The following BRD4 variants were observed in gnomAD, a reference collection of about 807,000 sequenced individuals.
BRD4 encodes bromodomain containing 4, also known as bromodomain-containing protein 4.
A neutral mutation model predicts 142.1 loss-of-function variants in BRD4; 16 were observed. The ratio of observed to expected loss-of-function variants is 0.11; its 90% CI spans 0.08 to 0.17. The LOEUF is 0.17. BRD4 is among the 10% of genes least tolerant of loss of function. The pLI is 1.00. For missense variants in BRD4, 1,424 were observed against 1,810.9 expected, an observed-to-expected ratio of 0.79 and a Z score of 3.88; for synonymous variants, 833 against 707.5, an observed-to-expected ratio of 1.18 and a Z score of -2.82.
intron 1 of BRD4, 113 bp from the exon 2 acceptor site, chr19:15,273,246 T>A: frequency 8.7e-7 from 1 of 1,150,170 alleles, no homozygotes; most frequent in Non-Finnish European, 1.2e-6. Context: ...TGGCGGTAGC[T>A]AGCCAAGTTG....
Position 15,238,593 on chromosome 19 carries a change from G to A in BRD4, c.4021-148C>T, listed in dbSNP as rs1245845466. 48 of 1,487,202 alleles carry A rather than the reference G, an allele frequency of 3.2e-5. No homozygotes were observed. Among genetic ancestry groups the A allele is most frequent in the Non-Finnish European group, 4.2e-5 (47 of 1,114,924 alleles). The allele number at this position is 1,487,202 out of a possible 1,614,324, so 92.1% of individuals were successfully genotyped here. A position where few individuals can be genotyped will look rare whatever the true frequency, so the allele number is the denominator to read the frequency against. ...TCACCCCGTCCACACAGCACTCAGG[G>A]CCCTACAGCTGAGTCCAGAGGACCA... is the stretch of plus-strand genomic sequence containing the variant. On this transcript the variant is annotated intron_variant, in intron 19 of 19. Coordinates refer to ENST00000679869, the MANE Select transcript of BRD4 (RefSeq NM_001379291.1). This position sits in a 1 kb window ranked among gnomAD's most constrained non-coding sequence, Gnocchi z 7.2.
intron 13 of BRD4, among the ~76,000 whole-genome samples, chr19:15,243,737 A>G (rs2047259693): frequency 1.3e-5 from 2 of 152,064 alleles, no homozygotes; most frequent in Non-Finnish European, 2.9e-5. Context: ...CATGCTCACA[A>G]TGGCCCTTCA....
chr19:15,323,375 C>T (rs1467666152), intron 1 of BRD4, among the ~76,000 whole-genome samples: 1 of 152,118 alleles, frequency 6.6e-6, no homozygotes, highest in African/African-American at 2.4e-5. Flanking sequence ...ATGGCCCAGA[C>T]TGGCATCCAC....
At chr19:15,247,777 G>A (rs1289567280) in intron 11 of BRD4, 2 of 232,870 alleles carry the variant, frequency 8.6e-6, no homozygotes, top group Non-Finnish European at 1.7e-5. Flanking sequence ...CCAAAGGGCA[G>A]CTGAGAATAG....
intron 1 of BRD4, among the ~76,000 whole-genome samples, chr19:15,324,870 T>G (rs1431733165): frequency 2.0e-5 from 3 of 152,158 alleles, no homozygotes; most frequent in Non-Finnish European, 4.4e-5. Context: ...CTGCTCTTAA[T>G]CTCATTATCA....
chr19:15,313,198 C>T (rs987764090), intron 1 of BRD4, among the ~76,000 whole-genome samples: 3 of 151,016 alleles, frequency 2.0e-5, no homozygotes, highest in African/African-American at 4.9e-5. Context: ...GGTGAAACCC[C>T]GTCTCTCTAC....
chr19:15,283,226 T>C (rs1490873979), intron 1 of BRD4, among the ~76,000 whole-genome samples: 1 of 152,080 alleles, frequency 6.6e-6, no homozygotes, highest in Non-Finnish European at 1.5e-5. Context: ...GTTCACTTCT[T>C]AGAGGGCACG....
chr19:15,255,683 T>A, intron 9 of BRD4, 91 bp from the exon 10 acceptor site: 2 of 1,438,958 alleles, frequency 1.4e-6, no homozygotes, highest in Non-Finnish European at 1.9e-6. Context: ...GGGGAAGGGG[T>A]GCCCTTCCCA....
chr19:15,271,587 A>G (rs1006110284), intron 2 of BRD4, among the ~76,000 whole-genome samples: 3 of 152,142 alleles, frequency 2.0e-5, no homozygotes, highest in African/African-American at 7.2e-5. Context: ...ATCTGCTCTG[A>G]GAATTTCACT....
intron 1 of BRD4, among the ~76,000 whole-genome samples, chr19:15,284,247 C>T (rs2047725067): frequency 6.6e-6 from 1 of 152,178 alleles, no homozygotes; most frequent in Non-Finnish European, 1.5e-5. Context: ...TCATTAGGTA[C>T]AGAATCCAAT....
At chr19:15,254,131 G>A (rs201145653) in intron 11 of BRD4, 21 bp downstream of exon 11, 59 of 1,600,288 alleles carry the variant, frequency 3.7e-5, no homozygotes, top group East Asian at 1.6e-4. Flanking sequence ...GGTAAGACAC[G>A]TAGAACACAA....
In BRD4 at chr19:15,256,980, G is replaced by T; in HGVS notation, c.1535C>A (p.Ala512Asp). Reference sequence around the variant, plus strand: ...TGCCCTCACCTGCTCCTGGAGCTCAGCCAGCCGCTGGGCTCGCTCCTCCTC... The same window carrying T: ...TGCCCTCACCTGCTCCTGGAGCTCATCCAGCCGCTGGGCTCGCTCCTCCTC... ...DSEEERAQRL[A>D]ELQEQLKAVH... The change falls in exon 8 of 20, where the codon GCT (alanine) becomes GAT (aspartate). Residue 512 changes from alanine to aspartate, a missense_variant. Ala to Asp is a moderately radical substitution (Grantham distance 126, BLOSUM62 -2). This residue lies in a region of BRD4 where 90 missense variants were observed against 93.2 expected (regional missense o/e 0.97). Coordinates refer to ENST00000679869, the MANE Select transcript of BRD4 (RefSeq NM_001379291.1). 1.3e-6 allele frequency: 2 copies of T among 1,575,910 alleles called. No individual in the cohort carries two copies. Among genetic ancestry groups the T allele is most frequent in the Non-Finnish European group, 8.6e-7 (1 of 1,161,874 alleles).
At position 15,244,098 on chromosome 19, in the gene BRD4, A is replaced by G. The variant is rs533307884; in HGVS notation, c.2581+133T>C. 5.4e-6 allele frequency: 8 copies of G among 1,486,306 alleles called. No homozygotes were observed. In the Admixed American group the frequency reaches 1.5e-4, roughly 29 times the overall value. 92.1% of individuals were successfully genotyped at this position (1,486,306 alleles called of 1,614,324 possible). A position where few individuals can be genotyped will look rare whatever the true frequency, so the allele number is the denominator to read the frequency against. The stretch of plus-strand genomic sequence containing the variant: ...TTTAACTTCCAAGATGGCCTCGAGA[A>G]GCCACAGATCTTCCCTCTAGAGACC... On this transcript the variant is annotated intron_variant, in intron 13 of 19. Coordinates refer to ENST00000679869, the MANE Select transcript of BRD4 (RefSeq NM_001379291.1).
At chr19:15,256,738 G>T (rs981006924) in intron 8 of BRD4, among the ~76,000 whole-genome samples, 1 of 152,066 alleles carries the variant, frequency 6.6e-6, no homozygotes, top group Admixed American at 6.5e-5. Flanking sequence ...CCAGAAAATG[G>T]CCATGTCCCT....
chr19:15,296,837 T>C (rs989064411), intron 1 of BRD4, among the ~76,000 whole-genome samples: 2 of 152,206 alleles, frequency 1.3e-5, no homozygotes, highest in Admixed American at 6.5e-5. Flanking sequence ...ACTTCTCTAA[T>C]CTGAAGAGCA....
At chr19:15,312,590 C>A (rs1489774331) in intron 1 of BRD4, among the ~76,000 whole-genome samples, 1 of 151,538 alleles carries the variant, frequency 6.6e-6, no homozygotes, top group Admixed American at 6.6e-5. Flanking sequence ...CGAGATCGCA[C>A]CATTGCACTC....
In BRD4 at chr19:15,238,544, C is replaced by T; in HGVS notation, c.4021-99G>A. On this transcript the variant is annotated intron_variant, in intron 19 of 19. Coordinates refer to ENST00000679869, the MANE Select transcript of BRD4 (RefSeq NM_001379291.1). This position sits in a 1 kb window ranked among gnomAD's most constrained non-coding sequence, Gnocchi z 7.2. ...ACCAGCAGTCAGCCCCGTAGCCCTC[C>T]CCGTGGCTGACCCCTCATAGCGCTC... 6.3e-7 allele frequency: 1 copy of T among 1,584,630 alleles called. No homozygotes were observed. The highest frequency in any genetic ancestry group is 8.6e-7 in the Non-Finnish European group (1 of 1,165,538).
At chr19:15,299,081 C>T (rs1168114498) in intron 1 of BRD4, among the ~76,000 whole-genome samples, 3 of 152,072 alleles carry the variant, frequency 2.0e-5, no homozygotes, top group Non-Finnish European at 2.9e-5. Flanking sequence ...ATCATGGCTG[C>T]CCACCGGGGT....
At chr19:15,330,664 G>A (rs541369399) in intron 1 of BRD4, among the ~76,000 whole-genome samples, 5 of 152,104 alleles carry the variant, frequency 3.3e-5, no homozygotes, top group African/African-American at 9.7e-5. Context: ...CTACTCGAGA[G>A]GCTGAGACAG....
Sources: gnomAD v4.1 joint callset for allele counts (sites outside exome capture counted in the v4.1 genomes callset) on GRCh38, gnomAD v4.1.1 for gene constraint, gnomAD v4.1.1 regional missense constraint, Gnocchi (gnomAD v3.1) non-coding constraint, MANE v1.5 for transcripts, NCBI Gene and HGNC (gene_info 2026-07-23, HGNC 2026-07-21) for gene names.